SANBR: variants seen among roughly 807,000 people sequenced by gnomAD.
SANBR encodes SANT and BTB domain regulator of CSR, also known as SANT and BTB domain regulator of class switch recombination.
Under a neutral mutation model 101.8 loss-of-function variants are expected in SANBR, and 77 were observed. That is an observed-to-expected ratio of 0.76 (90% CI 0.63 to 0.91). The LOEUF (loss-of-function observed/expected upper bound fraction) is 0.91. Ranked by LOEUF, SANBR falls within the 40% of genes least tolerant of loss-of-function variation. SANBR has a pLI of 0.00. For synonymous variants in SANBR, 279 were observed against 274.7 expected (o/e 1.02, Z -0.15); for missense variants, 875 against 853.0 (o/e 1.03, Z -0.32).
At chr2:61,104,078 GCAA>G in intron 13 of SANBR, 80 bp downstream of exon 13, 1 of 1,253,354 alleles carries the variant, frequency 8.0e-7, no homozygotes, top group Non-Finnish European at 1.1e-6. Flanking sequence ...CCCCAAATCA[GCAA>G]CGTCAGTCCT....
chr2:61,132,543 A>C (rs1684719499), intron 20 of SANBR, among the ~76,000 whole-genome samples: 1 of 152,228 alleles, frequency 6.6e-6, no homozygotes, highest in African/African-American at 2.4e-5. Context: ...GATGTGGAGA[A>C]ATTGGAACCC....
intron 3 of SANBR, 65 bp from the exon 4 acceptor site, chr2:61,071,541 C>T: frequency 9.2e-7 from 1 of 1,089,782 alleles, no homozygotes; most frequent in Non-Finnish European, 1.3e-6. Context: ...CAATGTGAGA[C>T]TCCGTCTCAA....
At chr2:61,087,950 C>T (rs1166459310) in intron 8 of SANBR, among the ~76,000 whole-genome samples, 2 of 151,966 alleles carry the variant, frequency 1.3e-5, no homozygotes. Context: ...ATTGATCAAG[C>T]AGTTCTCATC....
Position 61,123,646 on chromosome 2 carries a change from G to C in SANBR, c.*1484G>C. The C allele has an allele frequency of 1.0e-6, 1 of 985,326 alleles. No individual in the cohort carries two copies. The highest frequency in any genetic ancestry group is 1.2e-6 in the Non-Finnish European group (1 of 829,730). 61.0% of individuals were successfully genotyped at this position (985,326 alleles called of 1,614,324 possible). A position where few individuals can be genotyped will look rare whatever the true frequency, so the allele number is the denominator to read the frequency against. On this transcript the variant is annotated 3_prime_UTR_variant, in exon 22 of 22. Transcript: ENST00000402291. ...GGATTTGGATTTGTACATGTAAACA[G>C]TGCTGTAATGGTCACGACTAGATAA...
intron 20 of SANBR, among the ~76,000 whole-genome samples, chr2:61,133,572 C>T (rs1199956985): frequency 6.6e-6 from 1 of 151,922 alleles, no homozygotes; most frequent in East Asian, 1.9e-4. Flanking sequence ...GGGCAACATA[C>T]CGAGACCCTA....
intron 16 of SANBR, among the ~76,000 whole-genome samples, chr2:61,110,775 G>A (rs554985634): frequency 6.6e-6 from 1 of 151,572 alleles, no homozygotes; most frequent in Admixed American, 6.6e-5. Context: ...TTGAACCCAG[G>A]AAGGGGAGGT....
At chr2:61,096,151 C>G (rs1000071810) in intron 11 of SANBR, among the ~76,000 whole-genome samples, 1 of 151,880 alleles carries the variant, frequency 6.6e-6, no homozygotes, top group African/African-American at 2.4e-5. Context: ...ACCCAACACC[C>G]ACTTCCTTCC....
intron 13 of SANBR, among the ~76,000 whole-genome samples, chr2:61,105,624 C>G (rs907589450): frequency 6.6e-6 from 1 of 151,626 alleles, no homozygotes. Flanking sequence ...CCTCTGCCTC[C>G]TGAAGTGCTG....
chr2:61,071,766 T>G lies in SANBR; in HGVS notation c.311T>G (p.Val104Gly), dbSNP rs1681486140. 1 of 1,601,212 alleles carries G rather than the reference T, an allele frequency of 6.2e-7. No individual in the cohort carries two copies. Among genetic ancestry groups the G allele is most frequent in the Non-Finnish European group, 8.5e-7 (1 of 1,176,398 alleles). Residue 104 changes from valine (V) to glycine (G), a missense_variant, in exon 4 of 22, where the codon GTT (valine) becomes GGT (glycine). Physicochemically the swap from Val to Gly is moderately radical, Grantham distance 109. Coordinates refer to ENST00000402291, the MANE Select transcript of SANBR (RefSeq NM_001129993.3). ...CATGGAGAATTTCAGGAGACTCCAG[T>G]TGGACATGATGCAGTTTCCAAAACT... is the stretch of plus-strand genomic sequence containing the variant. ...DIHGEFQETP[V>G]GHDAVSKTGR...
At chr2:61,118,164 C>A (rs1162931635) in intron 20 of SANBR, 48 bp downstream of exon 20, 1 of 1,220,834 alleles carries the variant, frequency 8.2e-7, no homozygotes, top group East Asian at 2.5e-5. Flanking sequence ...ATATGCCTTC[C>A]TACTTTTATT....
intron 11 of SANBR, chr2:61,093,281 A>G (rs1682866262): frequency 6.6e-6 from 1 of 152,142 alleles, no homozygotes; most frequent in African/African-American, 2.4e-5. Context: ...ACAATCAAAG[A>G]CTTGTTGAAT....
At chr2:61,115,934 A>G (rs1374175062) in intron 16 of SANBR, 45 bp from the exon 17 acceptor site, 3 of 1,219,838 alleles carry the variant, frequency 2.5e-6, no homozygotes, top group Non-Finnish European at 3.5e-6. Context: ...TGGACTGGAA[A>G]AGTATATGGG....
At chr2:61,077,208 G>T in intron 6 of SANBR, 50 bp downstream of exon 6, 1 of 1,344,552 alleles carries the variant, frequency 7.4e-7, no homozygotes, top group Non-Finnish European at 1.1e-6. Context: ...TGTGTCACCT[G>T]GTAGTTTCTT....
chr2:61,113,048 GC>G (rs1683909615), intron 16 of SANBR, among the ~76,000 whole-genome samples: 5 of 152,124 alleles, frequency 3.3e-5, no homozygotes, highest in Admixed American at 2.6e-4. Flanking sequence ...CATAGGCATA[GC>G]CGGTTGTTCC....
At chr2:61,099,975 T>A (rs1266368448) in intron 12 of SANBR, among the ~76,000 whole-genome samples, 3 of 152,130 alleles carry the variant, frequency 2.0e-5, no homozygotes, top group Non-Finnish European at 4.4e-5. Context: ...AGCCAGGTTT[T>A]TATGGGTTGA....
At chr2:61,069,331 A>G (rs1400509072) in intron 2 of SANBR, among the ~76,000 whole-genome samples, 2 of 152,194 alleles carry the variant, frequency 1.3e-5, no homozygotes, top group Admixed American at 6.5e-5. Flanking sequence ...CCACGCTGTC[A>G]GTCAGAGGTA....
intron 16 of SANBR, among the ~76,000 whole-genome samples, chr2:61,111,704 A>C (rs1381332289): frequency 6.6e-6 from 1 of 152,132 alleles, no homozygotes; most frequent in Admixed American, 6.6e-5. Flanking sequence ...CCCCCTTTGT[A>C]CTCAGTTCCC....
chr2:61,081,009 A>AT (rs1356506888), intron 6 of SANBR, among the ~76,000 whole-genome samples: 2 of 152,126 alleles, frequency 1.3e-5, no homozygotes, highest in Non-Finnish European at 2.9e-5. Flanking sequence ...GCAGTAATAA[A>AT]TTTTTTATCT....
At chr2:61,073,327 A>G (rs1006299798) in intron 4 of SANBR, 131 bp from the exon 5 acceptor site, 4 of 458,732 alleles carry the variant, frequency 8.7e-6, no homozygotes, top group African/African-American at 6.0e-5. Flanking sequence ...TGCCACCCTG[A>G]TAAGTACCAT....
Sources: allele counts gnomAD v4.1 joint callset (sites outside exome capture counted in the v4.1 genomes callset), GRCh38; gene constraint gnomAD v4.1.1; transcripts MANE v1.5; gene names NCBI Gene and HGNC (gene_info 2026-07-23, HGNC 2026-07-21).